Variants in DENND1B observed in about 807,000 individuals in gnomAD.
The protein encoded by DENND1B is DENN domain containing 1B.
A neutral mutation model predicts 90.1 loss-of-function variants in DENND1B; 59 were observed. The ratio of observed to expected loss-of-function variants is 0.65; its 90% CI spans 0.53 to 0.81. The LOEUF is 0.81. DENND1B is among the 40% of genes least tolerant of loss of function. The pLI, the probability that DENND1B is intolerant of heterozygous loss-of-function variation, is 0.00. For synonymous variants in DENND1B, 337 were observed against 324.6 expected, an observed-to-expected ratio of 1.04 and a Z score of -0.41; for missense variants, 862 against 912.6, an observed-to-expected ratio of 0.94 and a Z score of 0.71.
At chr1:197,511,981 A>G in intron 21 of DENND1B, 37 bp from the exon 22 acceptor site, 4 of 1,508,510 alleles carry the variant, frequency 2.7e-6, no homozygotes, top group South Asian at 1.2e-5. Context: ...TAGGTAAATA[A>G]CCATATTTGC....
intron 18 of DENND1B, among the ~76,000 whole-genome samples, 154 bp from the exon 19 acceptor site, chr1:197,541,169 G>A (rs3850628): frequency 1 from 152,227 of 152,320 alleles, 76,067 homozygotes; most frequent in Non-Finnish European, 1. Context: ...TCAGGGATAC[G>A]CATATCACTT....
intron 2 of DENND1B, among the ~76,000 whole-genome samples, chr1:197,762,563 G>A (rs1261888697): frequency 6.6e-6 from 1 of 152,158 alleles, no homozygotes; most frequent in Non-Finnish European, 1.5e-5. Context: ...AACAGGAGCA[G>A]CTAAAATCCA....
At chr1:197,549,848 GT>G (rs1384574118) in intron 16 of DENND1B, among the ~76,000 whole-genome samples, 1 of 152,010 alleles carries the variant, frequency 6.6e-6, no homozygotes, top group Non-Finnish European at 1.5e-5. Context: ...GGCAGAGGCA[GT>G]TTTTGAAAAA....
intron 3 of DENND1B, among the ~76,000 whole-genome samples, chr1:197,682,014 T>C (rs1215572161): frequency 6.6e-6 from 1 of 152,022 alleles, no homozygotes; most frequent in Non-Finnish European, 1.5e-5. Flanking sequence ...AGTTCAGAAC[T>C]ATCCCTAAAC....
rs191938222 is a variant in DENND1B at position 197,538,397 on chromosome 1, T to C, written c.1515+1567A>G. 3.2e-3 allele frequency among the ~76,000 whole-genome samples: 490 copies of C among 152,240 alleles called. 2 individuals carry two copies. Among genetic ancestry groups the C allele is most frequent in the South Asian group, 8.1e-3 (39 of 4,826 alleles). ...AGTTAACAGCAGTAACAAGAAAAGGTTTCTGACTTCGGGAATAATTATTTT... is the reference window on the plus strand; with the variant it reads ...AGTTAACAGCAGTAACAAGAAAAGGCTTCTGACTTCGGGAATAATTATTTT... On this transcript the variant is annotated intron_variant, in intron 20 of 22. Coordinates refer to ENST00000620048, the MANE Select transcript of DENND1B (RefSeq NM_001195215.2).
intron 3 of DENND1B, among the ~76,000 whole-genome samples, chr1:197,679,994 A>G (rs1390996506): frequency 1.3e-5 from 2 of 151,430 alleles, no homozygotes; most frequent in Non-Finnish European, 2.9e-5. Context: ...TAAAAAATAT[A>G]TAAAAATTAG....
intron 3 of DENND1B, among the ~76,000 whole-genome samples, chr1:197,683,597 C>T (rs918198574): frequency 6.6e-6 from 1 of 151,998 alleles, no homozygotes; most frequent in Non-Finnish European, 1.5e-5. Context: ...GTCTGGGACT[C>T]GCACTGATTA....
intron 3 of DENND1B, among the ~76,000 whole-genome samples, chr1:197,705,778 A>C (rs951215533): frequency 2.6e-5 from 4 of 151,940 alleles, no homozygotes; most frequent in African/African-American, 9.7e-5. Flanking sequence ...GCAAGGCTCT[A>C]GTCTAACTAC....
At chr1:197,779,888 G>A (rs1294158738), upstream of DENND1B, among the ~76,000 whole-genome samples, 1 of 151,826 alleles carries the variant, frequency 6.6e-6, no homozygotes, top group Non-Finnish European at 1.5e-5. Context: ...ATGGTCTCTT[G>A]ATTTCTTCTA....
At chr1:197,529,672 A>G (rs1669479068) in intron 20 of DENND1B, among the ~76,000 whole-genome samples, 1 of 152,270 alleles carries the variant, frequency 6.6e-6, no homozygotes, top group Non-Finnish European at 1.5e-5. Flanking sequence ...ACTTTTACAT[A>G]TTATTTAAAG....
At chr1:197,636,777 T>C (rs1679832584) in intron 10 of DENND1B, among the ~76,000 whole-genome samples, 1 of 152,038 alleles carries the variant, frequency 6.6e-6, no homozygotes, top group Admixed American at 6.6e-5. Flanking sequence ...ACTAAGACAG[T>C]GGGCAGTTGA....
At chr1:197,578,209 T>C (rs1235043429) in intron 15 of DENND1B, among the ~76,000 whole-genome samples, 1 of 151,884 alleles carries the variant, frequency 6.6e-6, no homozygotes, top group South Asian at 2.1e-4. Context: ...CATTTCAAAA[T>C]TGCTAAAAGA....
intron 15 of DENND1B, among the ~76,000 whole-genome samples, chr1:197,580,104 T>TC (rs1674078838): frequency 7.2e-6 from 1 of 139,456 alleles, no homozygotes; most frequent in African/African-American, 2.7e-5. Flanking sequence ...TTTTTTTTTT[T>TC]TTTTTGAGAT....
intron 14 of DENND1B, among the ~76,000 whole-genome samples, chr1:197,591,085 C>CT (rs1298300648): frequency 6.6e-6 from 1 of 152,064 alleles, no homozygotes; most frequent in African/African-American, 2.4e-5. Flanking sequence ...TGGTTTTATT[C>CT]TTTTTTGAGA....
chr1:197,774,631 G>C (rs1657035563), intron 1 of DENND1B: 3 of 152,526 alleles, frequency 2.0e-5, no homozygotes, highest in Admixed American at 2.0e-4. Flanking sequence ...TTTATAAGCA[G>C]AATCATAAGA....
At chr1:197,673,304 A>G (rs1655715460) in intron 4 of DENND1B, among the ~76,000 whole-genome samples, 1 of 152,050 alleles carries the variant, frequency 6.6e-6, no homozygotes, top group Non-Finnish European at 1.5e-5. Context: ...GATTCCTCAG[A>G]TAAGGTAAAA....
At chr1:197,653,475 C>G (rs1653463538) in intron 6 of DENND1B, among the ~76,000 whole-genome samples, 1 of 152,022 alleles carries the variant, frequency 6.6e-6, no homozygotes, top group South Asian at 2.1e-4. Context: ...ATTCTTTGCA[C>G]TTTCTTACAT....
intron 14 of DENND1B, among the ~76,000 whole-genome samples, chr1:197,591,006 A>T (rs1040388237): frequency 2.6e-5 from 4 of 152,194 alleles, no homozygotes; most frequent in African/African-American, 9.6e-5. Flanking sequence ...ATAAAGCTGA[A>T]ACTCTCCTGA....
intron 13 of DENND1B, among the ~76,000 whole-genome samples, chr1:197,601,182 C>A (rs1025563595): frequency 1.3e-5 from 2 of 151,698 alleles, no homozygotes; most frequent in Admixed American, 1.3e-4. Context: ...TTGTTCACCA[C>A]TATATACCCA....
Sources: gnomAD v4.1 joint callset for allele counts (sites outside exome capture counted in the v4.1 genomes callset) on GRCh38, gnomAD v4.1.1 for gene constraint, MANE v1.5 for transcripts, NCBI Gene and HGNC (gene_info 2026-07-23, HGNC 2026-07-21) for gene names.